Variants in EIF4B observed in about 807,000 individuals in gnomAD.
EIF4B encodes the protein eukaryotic translation initiation factor 4B.
In EIF4B, 8 loss-of-function variants were observed where a neutral mutation model predicts 79.3. That is an observed-to-expected ratio of 0.10 (90% CI 0.06 to 0.18). The LOEUF (loss-of-function observed/expected upper bound fraction) is 0.18. Ranked by LOEUF, EIF4B falls within the 10% of genes least tolerant of loss-of-function variation. The pLI is 1.00. For synonymous variants in EIF4B, 238 were observed against 274.7 expected (o/e 0.87, Z 1.32); for missense variants, 515 against 792.4 (o/e 0.65, Z 4.20).
chr12:53,025,390 G>A, intron 6 of EIF4B: 1 of 370,930 alleles, frequency 2.7e-6, no homozygotes. Context: ...AGTCAACTTA[G>A]TTAACCTGAA....
rs1337954535 is a variant in EIF4B, at chr12:53,019,437, A to AT, written c.360+443dup. On this transcript the variant is annotated intron_variant, in intron 3 of 14. Transcript: ENST00000262056. ...TAAAATCAAAATTATATATATATAT[A>AT]TTTTTTTTTTTTCTTTTTTTTTTTT... Among the ~76,000 whole-genome samples, 269 of 51,012 alleles carry AT rather than the reference A, an allele frequency of 5.3e-3. 3 individuals are homozygous for AT. Among genetic ancestry groups the AT allele is most frequent in the African/African-American group, 0.016 (250 of 15,152 alleles). 33.5% of individuals were successfully genotyped at this position (51,012 alleles called of 152,430 possible). A position where few individuals can be genotyped will look rare whatever the true frequency, so the allele number is the denominator to read the frequency against.
intron 6 of EIF4B, among the ~76,000 whole-genome samples, chr12:53,023,054 C>G (rs1235578795): frequency 6.6e-6 from 1 of 151,854 alleles, no homozygotes; most frequent in Non-Finnish European, 1.5e-5. Context: ...CCTAGCTGTT[C>G]AGCAAGCTGA....
At chr12:53,008,892 G>C (rs1464754201) in intron 1 of EIF4B, among the ~76,000 whole-genome samples, 1 of 152,072 alleles carries the variant, frequency 6.6e-6, no homozygotes, top group African/African-American at 2.4e-5. Flanking sequence ...AAAATTAGCT[G>C]GGCGTGGTGT....
chr12:53,006,538 A>AC (rs754682155), intron 1 of EIF4B, 42 bp downstream of exon 1: 117 of 1,611,482 alleles, frequency 7.3e-5, no homozygotes, highest in Non-Finnish European at 9.3e-5. Context: ...GGGCTCTGAA[A>AC]CCCCCCTCCG....
intron 6 of EIF4B, 126 bp downstream of exon 6, chr12:53,022,753 T>G: frequency 8.1e-7 from 1 of 1,241,624 alleles, no homozygotes; most frequent in Non-Finnish European, 1.1e-6. Flanking sequence ...TTAAGAAAAA[T>G]TTTGGATAGT....
At chr12:53,009,266 G>T (rs1052664975) in intron 1 of EIF4B, among the ~76,000 whole-genome samples, 8 of 152,188 alleles carry the variant, frequency 5.3e-5, no homozygotes, top group Non-Finnish European at 1.5e-5. Context: ...GCTCATGCCT[G>T]TAATCCCAGC....
intron 11 of EIF4B, 145 bp downstream of exon 11, chr12:53,037,767 G>C: frequency 1.1e-6 from 1 of 873,250 alleles, no homozygotes; most frequent in Non-Finnish European, 1.7e-6. Context: ...GCTGGAACTG[G>C]CTCATAAGAC....
At chr12:53,017,886 C>T (rs1236372599) in intron 2 of EIF4B, among the ~76,000 whole-genome samples, 2 of 152,156 alleles carry the variant, frequency 1.3e-5, no homozygotes, top group African/African-American at 2.4e-5. Flanking sequence ...CCACTGCACC[C>T]GGCCAAAACA....
chr12:53,008,715 A>G (rs1422140053), intron 1 of EIF4B: 1 of 152,180 alleles, frequency 6.6e-6, no homozygotes, highest in Non-Finnish European at 1.5e-5. Flanking sequence ...GAGCCAGTAC[A>G]CTTAATTCCT....
At chr12:53,034,287 G>A (rs1592227118) in intron 9 of EIF4B, among the ~76,000 whole-genome samples, 1 of 152,292 alleles carries the variant, frequency 6.6e-6, no homozygotes, top group East Asian at 1.9e-4. Context: ...TAAAAGGCTA[G>A]AGACCTACTA....
chr12:53,022,655 C>T (rs780880166), intron 6 of EIF4B, 28 bp downstream of exon 6: 12 of 1,608,300 alleles, frequency 7.5e-6, no homozygotes, highest in Admixed American at 1.7e-5. Context: ...AAGTTAGCTT[C>T]CTCTGTGCTT....
rs371453257 is a variant in EIF4B, at chr12:53,035,663, C to T, written c.1306+954C>T. Among the ~76,000 whole-genome samples, 238 of 150,168 alleles carry T rather than the reference C, an allele frequency of 1.6e-3. 1 individual carries two copies. Among genetic ancestry groups the T allele is most frequent in the Admixed American group, 7.9e-3 (120 of 15,120 alleles). On this transcript the variant is annotated intron_variant, in intron 10 of 14. Transcript: ENST00000262056. ...GATTACAGGCGTCAGCCACCGCACC[C>T]AGCCTACACCCAGCTAAAATTTTGT...
At chr12:53,040,065 G>A in intron 14 of EIF4B, 78 bp from the exon 15 acceptor site, 1 of 1,528,506 alleles carries the variant, frequency 6.5e-7, no homozygotes, top group Admixed American at 1.7e-5. Flanking sequence ...CATTGCCAAA[G>A]GATCAGTATC....
chr12:53,025,519 C>T (rs946595057), intron 6 of EIF4B, among the ~76,000 whole-genome samples: 1 of 152,190 alleles, frequency 6.6e-6, no homozygotes, highest in Non-Finnish European at 1.5e-5. Context: ...TGCTGCTTTT[C>T]TCCAGCATGG....
chr12:53,039,466 G>T (rs1034448519), intron 13 of EIF4B, 123 bp downstream of exon 13: 1 of 1,221,010 alleles, frequency 8.2e-7, no homozygotes, highest in South Asian at 1.5e-5. Flanking sequence ...GTCAGCCAAC[G>T]TAGACAGTTA....
intron 6 of EIF4B, among the ~76,000 whole-genome samples, chr12:53,023,991 C>A (rs1368485324): frequency 6.6e-6 from 1 of 152,092 alleles, no homozygotes; most frequent in Non-Finnish European, 1.5e-5. Context: ...AAAATTGATT[C>A]ACTTAAATGC....
intron 2 of EIF4B, among the ~76,000 whole-genome samples, chr12:53,018,220 C>G (rs996682698): frequency 2.6e-5 from 4 of 152,130 alleles, no homozygotes; most frequent in African/African-American, 9.7e-5. Flanking sequence ...CAAACCTGAC[C>G]TCAGGTGATC....
At chr12:53,019,789 C>T (rs754389992) in intron 3 of EIF4B, 121 bp from the exon 4 acceptor site, 59 of 842,088 alleles carry the variant, frequency 7.0e-5, no homozygotes, top group Non-Finnish European at 1.0e-4. Context: ...CCTGAGACAA[C>T]CATGTTCTTG....
chr12:53,037,068 A>C (rs567505539), intron 10 of EIF4B, among the ~76,000 whole-genome samples: 1 of 152,280 alleles, frequency 6.6e-6, no homozygotes, highest in South Asian at 2.1e-4. Flanking sequence ...TGGTTACTAG[A>C]GTTTGGGGTT....
Sources: gnomAD v4.1 joint callset for allele counts (sites outside exome capture counted in the v4.1 genomes callset) on GRCh38, gnomAD v4.1.1 for gene constraint, MANE v1.5 for transcripts, NCBI Gene and HGNC (gene_info 2026-07-23, HGNC 2026-07-21) for gene names.